The following ZFAND3 variants were observed in gnomAD, a reference collection of about 807,000 sequenced individuals.
ZFAND3 encodes AN1-type zinc finger protein 3.
ZFAND3 carries 10 observed loss-of-function variants against 29.6 expected under a neutral mutation model. The observed-to-expected ratio is 0.34, with a 90% CI of 0.21 to 0.57. The LOEUF is 0.57. Among genes scored for constraint, ZFAND3 ranks in the 20% least tolerant of loss-of-function variants. The pLI is 0.86. For synonymous variants in ZFAND3, 128 were observed against 112.6 expected (o/e 1.14, Z -0.87); for missense variants, 230 against 304.5 (o/e 0.76, Z 1.82).
intron 1 of ZFAND3, among the ~76,000 whole-genome samples, chr6:37,892,059 G>T (rs1274395571): frequency 6.6e-6 from 1 of 152,116 alleles, no homozygotes; most frequent in Admixed American, 6.5e-5. Flanking sequence ...GGGCACATGG[G>T]ACAGTCTCCA....
At chr6:38,076,223 T>C (rs1764550781) in intron 3 of ZFAND3, among the ~76,000 whole-genome samples, 1 of 152,176 alleles carries the variant, frequency 6.6e-6, no homozygotes, top group Non-Finnish European at 1.5e-5. Flanking sequence ...TAAAGTTTTA[T>C]AAAATTAAGG....
chr6:37,845,175 G>A (rs1403707053), intron 1 of ZFAND3, among the ~76,000 whole-genome samples: 1 of 152,170 alleles, frequency 6.6e-6, no homozygotes, highest in Non-Finnish European at 1.5e-5. Flanking sequence ...ATTTCTCAAT[G>A]AGAGGAGTAG....
chr6:37,966,172 AT>A (rs763095866), intron 2 of ZFAND3, among the ~76,000 whole-genome samples: 3 of 152,186 alleles, frequency 2.0e-5, no homozygotes, highest in Non-Finnish European at 4.4e-5. Context: ...TTTTCCTTCT[AT>A]GCAAAGACAG....
chr6:38,105,561 A>G (rs1405202309), intron 4 of ZFAND3, among the ~76,000 whole-genome samples: 4 of 152,194 alleles, frequency 2.6e-5, no homozygotes, highest in Non-Finnish European at 5.9e-5. Context: ...TCAGTGGGGA[A>G]CAGAGGGAAG....
intron 2 of ZFAND3, among the ~76,000 whole-genome samples, chr6:38,054,576 A>C (rs1764097624): frequency 6.6e-6 from 1 of 152,128 alleles, no homozygotes; most frequent in African/African-American, 2.4e-5. Context: ...TTTTAAAGAG[A>C]AGGAATCGCC....
intron 2 of ZFAND3, among the ~76,000 whole-genome samples, chr6:37,948,579 CAATA>C (rs1323938813): frequency 1.3e-5 from 2 of 152,138 alleles, no homozygotes; most frequent in Non-Finnish European, 2.9e-5. Flanking sequence ...GCATAGTACC[CAATA>C]AATAGTTTTT....
At chr6:38,116,873 TAG>T (rs1488464215) in intron 5 of ZFAND3, 134 bp downstream of exon 5, 2 of 1,162,510 alleles carry the variant, frequency 1.7e-6, no homozygotes, top group Non-Finnish European at 2.4e-6. Context: ...GCATGCGATA[TAG>T]GTTTGGGGCT....
intron 2 of ZFAND3, among the ~76,000 whole-genome samples, chr6:37,957,589 A>G (rs917975353): frequency 1.3e-5 from 2 of 152,170 alleles, no homozygotes; most frequent in Non-Finnish European, 2.9e-5. Context: ...ACTCAAGCAG[A>G]ACATTTGGCT....
At chr6:37,946,948 T>C (rs1761914428) in intron 2 of ZFAND3, among the ~76,000 whole-genome samples, 1 of 152,032 alleles carries the variant, frequency 6.6e-6, no homozygotes, top group Admixed American at 6.6e-5. Context: ...GCTCTGGAGA[T>C]GGATGTTAAA....
At chr6:38,108,487 TC>T (rs1445245900) in intron 4 of ZFAND3, among the ~76,000 whole-genome samples, 1 of 152,040 alleles carries the variant, frequency 6.6e-6, no homozygotes, top group Non-Finnish European at 1.5e-5. Flanking sequence ...GCAGCCGAGC[TC>T]GAGTCCCTGG....
chr6:37,966,551 T>TA (rs1304233993), intron 2 of ZFAND3, among the ~76,000 whole-genome samples: 43 of 152,084 alleles, frequency 2.8e-4, no homozygotes, highest in Admixed American at 2.0e-4. Flanking sequence ...TTGCCAGACT[T>TA]ACAGTTGAAT....
At chr6:38,026,959 A>C (rs1763462942) in intron 2 of ZFAND3, among the ~76,000 whole-genome samples, 1 of 152,222 alleles carries the variant, frequency 6.6e-6, no homozygotes, top group South Asian at 2.1e-4. Flanking sequence ...GTGTTTACTA[A>C]GTAAGGAATA....
intron 5 of ZFAND3, among the ~76,000 whole-genome samples, chr6:38,132,701 C>A (rs529458563): frequency 6.6e-6 from 1 of 152,200 alleles, no homozygotes; most frequent in East Asian, 1.9e-4. Context: ...TCAGCAGTTT[C>A]CTGGCAGGTA....
rs577804289 is a variant in ZFAND3 at position 38,007,940 on chromosome 6, C to T, written c.113-53653C>T. 2.2e-4 allele frequency among the ~76,000 whole-genome samples: 34 copies of T among 152,158 alleles called. No individual in the cohort carries two copies. In the East Asian group the frequency reaches 6.6e-3, roughly 29 times the overall value. On this transcript the variant is annotated intron_variant, in intron 2 of 5. Coordinates refer to ENST00000287218, the MANE Select transcript of ZFAND3 (RefSeq NM_021943.3). Reference sequence around the variant, plus strand: ...GAAGAATGATTTAGGGCCTTGTTACCCAAAGTCTGATCCAGGGACTAGCTA... The same window carrying T: ...GAAGAATGATTTAGGGCCTTGTTACTCAAAGTCTGATCCAGGGACTAGCTA...
At chr6:38,124,360 G>A (rs898975503) in intron 5 of ZFAND3, among the ~76,000 whole-genome samples, 11 of 152,346 alleles carry the variant, frequency 7.2e-5, no homozygotes, top group South Asian at 2.1e-4. Flanking sequence ...TGATGGGACC[G>A]GGCGCCATGG....
At chr6:37,985,527 A>ACACACACC (rs753070737) in intron 2 of ZFAND3, among the ~76,000 whole-genome samples, 273 of 141,752 alleles carry the variant, frequency 1.9e-3, no homozygotes, top group South Asian at 4.9e-3. Context: ...ACACACACAC[A>ACACACACC]CCCCCACACA....
chr6:37,823,886 G>A (rs1763712018), intron 1 of ZFAND3, among the ~76,000 whole-genome samples: 1 of 151,976 alleles, frequency 6.6e-6, no homozygotes, highest in Non-Finnish European at 1.5e-5. Context: ...CTGCCTCCTG[G>A]GTTCAAGTGA....
At chr6:37,893,126 G>A (rs1765133596) in intron 1 of ZFAND3, among the ~76,000 whole-genome samples, 1 of 151,992 alleles carries the variant, frequency 6.6e-6, no homozygotes, top group South Asian at 2.1e-4. Flanking sequence ...CAAATACCAA[G>A]ACCAAAAGTA....
intron 3 of ZFAND3, among the ~76,000 whole-genome samples, chr6:38,069,214 G>A (rs1466260428): frequency 1.3e-5 from 2 of 152,158 alleles, no homozygotes; most frequent in East Asian, 1.9e-4. Context: ...CAGATATTGG[G>A]CAAAACAGGC....
Sources: allele counts gnomAD v4.1 joint callset (sites outside exome capture counted in the v4.1 genomes callset), GRCh38; gene constraint gnomAD v4.1.1; transcripts MANE v1.5; gene names NCBI Gene and HGNC (gene_info 2026-07-23, HGNC 2026-07-21).